The following DNAH3 variants were observed in gnomAD, a reference collection of about 807,000 sequenced individuals.
DNAH3 encodes the protein axonemal beta dynein heavy chain 3.
DNAH3 carries 332 observed loss-of-function variants against 432.5 expected under a neutral mutation model. The ratio of observed to expected loss-of-function variants is 0.77; its 90% CI spans 0.70 to 0.84. DNAH3 has a LOEUF of 0.84. DNAH3 is among the 40% of genes least tolerant of loss of function. DNAH3 has a pLI of 0.00. For missense variants in DNAH3, 4,861 were observed against 5,114.0 expected (o/e 0.95, Z 1.51); for synonymous variants, 1,956 against 1,900.2 (o/e 1.03, Z -0.76).
intron 1 of DNAH3, among the ~76,000 whole-genome samples, chr16:21,153,674 C>T (rs1224242210): frequency 6.6e-6 from 1 of 152,118 alleles, no homozygotes; most frequent in African/African-American, 2.4e-5. Flanking sequence ...CCAGCGAGAC[C>T]AGAAACCCAC....
chr16:21,133,237 C>CGTTGGGA (rs1287327093), intron 7 of DNAH3, among the ~76,000 whole-genome samples: 9 of 151,136 alleles, frequency 6.0e-5, no homozygotes, highest in African/African-American at 2.2e-4. Context: ...GTCTGTGGTC[C>CGTTGGGA]CAACTACTCA....
At chr16:21,097,301 G>C in intron 18 of DNAH3, 54 bp downstream of exon 18, 3 of 1,602,824 alleles carry the variant, frequency 1.9e-6, no homozygotes, top group Non-Finnish European at 2.6e-6. Flanking sequence ...AAGTGACTGG[G>C]TGGATCCTCC....
At chr16:21,115,670 A>G (rs1311995964) in intron 12 of DNAH3, among the ~76,000 whole-genome samples, 6 of 151,646 alleles carry the variant, frequency 4.0e-5, no homozygotes, top group East Asian at 1.9e-4. Context: ...TCATGCCACT[A>G]TACTCCAGCC....
At chr16:21,055,513 T>G (rs1355465941) in intron 27 of DNAH3, among the ~76,000 whole-genome samples, 1 of 152,218 alleles carries the variant, frequency 6.6e-6, no homozygotes, top group Admixed American at 6.5e-5. Flanking sequence ...ATGAAAGATA[T>G]ATGGAAATTC....
exon 49 of DNAH3, chr16:20,982,828 G>A: frequency 2.5e-6 from 4 of 1,614,196 alleles, no homozygotes; most frequent in African/African-American, 2.7e-5. Flanking sequence ...TACAGCAATT[G>A]ATCAGCGAAG....
chr16:21,024,539 T>C (rs2088435641), intron 39 of DNAH3, 57 bp downstream of exon 39: 1 of 1,320,572 alleles, frequency 7.6e-7, no homozygotes, highest in Admixed American at 2.3e-5. Context: ...TAGAAGACCC[T>C]CGAGATGAAA....
chr16:20,973,922 G>A (rs763030334), intron 51 of DNAH3, among the ~76,000 whole-genome samples: 52 of 152,252 alleles, frequency 3.4e-4, no homozygotes, highest in Non-Finnish European at 5.6e-4. Context: ...GTGGGAGTGC[G>A]GCTTATGATT....
At chr16:21,055,748 T>TTTC (rs1379008841) in intron 27 of DNAH3, among the ~76,000 whole-genome samples, 1 of 148,040 alleles carries the variant, frequency 6.8e-6, no homozygotes, top group East Asian at 2.0e-4. Context: ...AATGCAGATT[T>TTTC]TTTTTTTTTT....
intron 59 of DNAH3, among the ~76,000 whole-genome samples, chr16:20,939,213 C>CGTAG (rs1437250362): frequency 1.3e-5 from 2 of 152,132 alleles, no homozygotes; most frequent in African/African-American, 4.8e-5. Flanking sequence ...TCCAGGACTA[C>CGTAG]AGTCCATCAT....
chr16:20,942,345 A>G (rs1243626924), intron 58 of DNAH3, among the ~76,000 whole-genome samples: 1 of 152,172 alleles, frequency 6.6e-6, no homozygotes, highest in Non-Finnish European at 1.5e-5. Context: ...TTAGCCAAGT[A>G]GGGAGGGGAC....
chr16:20,939,031 T>C (rs945316337), intron 59 of DNAH3, among the ~76,000 whole-genome samples: 2 of 152,102 alleles, frequency 1.3e-5, no homozygotes, highest in Non-Finnish European at 2.9e-5. Context: ...AGTGCTGGGA[T>C]TACAGTGCTG....
At chr16:21,056,749 C>T (rs858195) in intron 27 of DNAH3, among the ~76,000 whole-genome samples, 49,836 of 151,902 alleles carry the variant, frequency 0.33, 8,520 homozygotes, top group East Asian at 0.6. Context: ...GGATGTATGA[C>T]GGGAAACATT....
intron 16 of DNAH3, 107 bp downstream of exon 16, chr16:21,104,364 G>T (rs1056015574): frequency 2.2e-6 from 2 of 916,564 alleles, no homozygotes; most frequent in Non-Finnish European, 3.5e-6. Flanking sequence ...TCGCCCACAC[G>T]TTGCCATGGA....
chr16:21,049,810 C>T, intron 30 of DNAH3, 100 bp downstream of exon 30: 1 of 1,331,590 alleles, frequency 7.5e-7, no homozygotes, highest in South Asian at 1.2e-5. Flanking sequence ...CCCATGCTGC[C>T]TGTTAATGCT....
chr16:21,109,971 T>G (rs2092033661), intron 14 of DNAH3, among the ~76,000 whole-genome samples: 1 of 152,138 alleles, frequency 6.6e-6, no homozygotes, highest in Non-Finnish European at 1.5e-5. Flanking sequence ...CTTGAACTCC[T>G]GGGCTCAAGC....
Position 21,147,755 on chromosome 16 carries a change from G to A in DNAH3, c.118-1667C>T, listed in dbSNP as rs986551402. Among the ~76,000 whole-genome samples, 3 of 152,288 alleles carry A rather than the reference G, an allele frequency of 2.0e-5. No homozygotes were observed. The South Asian group carries it at 6.2e-4, about 32-fold the overall frequency. The stretch of plus-strand genomic sequence containing the variant: ...TCCCACAATCACTCTCAGATTCCAA[G>A]TGACCCTCCACCTCTCCTGAGCAGA... On this transcript the variant is annotated intron_variant, in intron 1 of 61. Coordinates refer to ENST00000261383, the Ensembl canonical transcript of DNAH3.
intron 12 of DNAH3, among the ~76,000 whole-genome samples, chr16:21,116,945 C>T (rs1415488373): frequency 6.6e-6 from 1 of 152,180 alleles, no homozygotes. Context: ...GGCTTCACAA[C>T]TATCAGATAA....
At chr16:21,062,641 G>A (rs1272075904) in exon 25 of DNAH3, 9 of 1,613,778 alleles carry the variant, frequency 5.6e-6, no homozygotes, top group East Asian at 2.2e-5. Flanking sequence ...CCTTTGTCTC[G>A]GACAAGATTT....
At chr16:21,154,951 C>CTTTTTT (rs772054168) in intron 1 of DNAH3, among the ~76,000 whole-genome samples, 2 of 134,680 alleles carry the variant, frequency 1.5e-5, no homozygotes, top group South Asian at 2.4e-4. Flanking sequence ...TTCTTTCTTT[C>CTTTTTT]TTTTTTTTTT....
Sources: gnomAD v4.1 joint callset for allele counts (sites outside exome capture counted in the v4.1 genomes callset) on GRCh38, gnomAD v4.1.1 for gene constraint, MANE v1.5 for transcripts, NCBI Gene and HGNC (gene_info 2026-07-23, HGNC 2026-07-21) for gene names.